Variants in GRIA2 observed in about 807,000 individuals in gnomAD.
The protein encoded by GRIA2 is glutamate ionotropic receptor AMPA type subunit 2.
In GRIA2, 14 loss-of-function variants were observed where a neutral mutation model predicts 97.3. The ratio of observed to expected loss-of-function variants is 0.14; its 90% confidence interval spans 0.10 to 0.23. The LOEUF (loss-of-function observed/expected upper bound fraction) is 0.23. Among genes scored for constraint, GRIA2 ranks in the 10% least tolerant of loss-of-function variants. GRIA2 has a pLI of 1.00. For synonymous variants in GRIA2, 412 were observed against 387.8 expected, an observed-to-expected ratio of 1.06 and a Z score of -0.73; for missense variants, 558 against 1,069.8, an observed-to-expected ratio of 0.52 and a Z score of 6.67.
chr4:157,254,986 T>C (rs1473716634), intron 2 of GRIA2, among the ~76,000 whole-genome samples: 1 of 152,056 alleles, frequency 6.6e-6, no homozygotes, highest in African/African-American at 2.4e-5. Flanking sequence ...GATGGATATA[T>C]TAGGTAGTGT....
chr4:157,301,795 T>G (rs1579345377), intron 2 of GRIA2, among the ~76,000 whole-genome samples: 1 of 152,276 alleles, frequency 6.6e-6, no homozygotes, highest in Middle Eastern at 3.4e-3. Flanking sequence ...TCTAGGTTGT[T>G]AGATTGTGTT....
intron 2 of GRIA2, among the ~76,000 whole-genome samples, chr4:157,222,966 G>T (rs1425949995): frequency 1.3e-5 from 2 of 152,174 alleles, no homozygotes; most frequent in African/African-American, 2.4e-5. Flanking sequence ...GCCCTGCGGT[G>T]ATTCTTTCCT....
intron 3 of GRIA2, among the ~76,000 whole-genome samples, chr4:157,308,536 C>T (rs1733939864): frequency 6.6e-6 from 1 of 152,082 alleles, no homozygotes; most frequent in Non-Finnish European, 1.5e-5. Flanking sequence ...AACTATGTAT[C>T]TCAACAGTTT....
chr4:157,246,062 T>C (rs979492505), intron 2 of GRIA2, among the ~76,000 whole-genome samples: 1 of 152,142 alleles, frequency 6.6e-6, no homozygotes, highest in Non-Finnish European at 1.5e-5. Context: ...GTTAATTTTG[T>C]TGACAGTAGA....
chr4:157,234,350 A>G (rs1324201260), intron 2 of GRIA2, among the ~76,000 whole-genome samples: 1 of 152,094 alleles, frequency 6.6e-6, no homozygotes, highest in Non-Finnish European at 1.5e-5. Context: ...TCTTTAATAT[A>G]ATACAACCAT....
chr4:157,258,785 C>A (rs1344351659), intron 2 of GRIA2, among the ~76,000 whole-genome samples: 1 of 152,082 alleles, frequency 6.6e-6, no homozygotes, highest in Non-Finnish European at 1.5e-5. Flanking sequence ...CTTTTCTACT[C>A]TTTCCCTTTA....
chr4:157,338,393 C>T (rs1438393063), intron 11 of GRIA2, among the ~76,000 whole-genome samples: 1 of 151,828 alleles, frequency 6.6e-6, no homozygotes, highest in Non-Finnish European at 1.5e-5. Context: ...CCAGTAGATG[C>T]CTGCGCCTGG....
At chr4:157,355,897 A>G in intron 12 of GRIA2, among the ~76,000 whole-genome samples, 1 of 3,406 alleles carries the variant, frequency 2.9e-4, no homozygotes, top group African/African-American at 5.6e-4. Context: ...ATATATTTAT[A>G]TATAAATATA....
chr4:157,285,008 T>C (rs1732773819), intron 2 of GRIA2, among the ~76,000 whole-genome samples: 1 of 151,742 alleles, frequency 6.6e-6, no homozygotes, highest in Non-Finnish European at 1.5e-5. Context: ...CCAGCTGTTC[T>C]TCAAAATGGT....
chr4:157,221,452 C>G, intron 1 of GRIA2: 3 of 589,840 alleles, frequency 5.1e-6, no homozygotes, highest in Non-Finnish European at 9.0e-6. Flanking sequence ...GTGAAGGTTT[C>G]TGGCCGCCTA....
At chr4:157,354,634 G>A (rs1736167010) in intron 12 of GRIA2, among the ~76,000 whole-genome samples, 1 of 152,148 alleles carries the variant, frequency 6.6e-6, no homozygotes, top group Admixed American at 6.5e-5. Context: ...GGCAGATGTT[G>A]TTACTGGTGC....
chr4:157,347,436 G>A (rs2126963965), intron 12 of GRIA2, among the ~76,000 whole-genome samples: 1 of 152,280 alleles, frequency 6.6e-6, no homozygotes, highest in Non-Finnish European at 1.5e-5. Flanking sequence ...CAAAGAGAAA[G>A]CATTCCTTTT....
At chr4:157,339,933 A>AT (rs1395810531) in intron 11 of GRIA2, among the ~76,000 whole-genome samples, 2 of 151,666 alleles carry the variant, frequency 1.3e-5, no homozygotes, top group Non-Finnish European at 3.0e-5. Context: ...TTTCATATTT[A>AT]TTTTTTTGTA....
rs1352162350 is a variant in GRIA2 at position 157,364,986 on chromosome 4, A to G, written c.*1555A>G. On this transcript the variant is annotated 3_prime_UTR_variant, in exon 16 of 16. Transcript: ENST00000264426. ...TCATAAAATACCTCTTATTTCCATTAAAGCCCCCCAAGTTTAATTAATTTA... is the reference window on the plus strand; with the variant it reads ...TCATAAAATACCTCTTATTTCCATTGAAGCCCCCCAAGTTTAATTAATTTA... 2 of 151,654 alleles carry G rather than the reference A, an allele frequency of 1.3e-5. No individual in the cohort carries two copies. The highest frequency in any genetic ancestry group is 3.0e-5 in the Non-Finnish European group (2 of 67,698). The allele number at this position is 151,654 out of a possible 1,614,324, so 9.4% of individuals were successfully genotyped here.
At chr4:157,353,610 A>C (rs897300841) in intron 12 of GRIA2, among the ~76,000 whole-genome samples, 21 of 151,970 alleles carry the variant, frequency 1.4e-4, no homozygotes, top group African/African-American at 5.1e-4. Flanking sequence ...CGGGAGGTGG[A>C]GCTTGCAGTG....
intron 6 of GRIA2, among the ~76,000 whole-genome samples, chr4:157,329,554 T>C (rs1734957430): frequency 6.6e-6 from 1 of 151,930 alleles, no homozygotes; most frequent in African/African-American, 2.4e-5. Context: ...GTCTATAATA[T>C]GTCAATGTGA....
intron 12 of GRIA2, among the ~76,000 whole-genome samples, chr4:157,350,554 G>T (rs1352459934): frequency 6.6e-6 from 1 of 151,340 alleles, no homozygotes; most frequent in African/African-American, 2.4e-5. Flanking sequence ...TTCTTCAGGC[G>T]GCCCAGTGTT....
intron 2 of GRIA2, among the ~76,000 whole-genome samples, chr4:157,238,841 ACCCTGTG>A (rs1040922813): frequency 4.6e-5 from 7 of 152,106 alleles, no homozygotes; most frequent in Non-Finnish European, 8.8e-5. Flanking sequence ...AGTCTTTCAT[ACCCTGTG>A]CATCATTGTT....
intron 12 of GRIA2, among the ~76,000 whole-genome samples, chr4:157,346,477 A>G (rs1465558949): frequency 2.0e-5 from 3 of 152,128 alleles, no homozygotes; most frequent in Non-Finnish European, 2.9e-5. Flanking sequence ...ATGTATGTCT[A>G]TGATACATAT....
Sources: gnomAD v4.1 joint callset for allele counts (sites outside exome capture counted in the v4.1 genomes callset) on GRCh38, gnomAD v4.1.1 for gene constraint, MANE v1.5 for transcripts, NCBI Gene and HGNC (gene_info 2026-07-23, HGNC 2026-07-21) for gene names.